The following C5AR2 variants were observed in gnomAD, a reference collection of about 807,000 sequenced individuals.
C5AR2 encodes the protein C5a anaphylatoxin chemotactic receptor 2.
For missense variants in C5AR2, 458 were observed against 467.5 expected, an observed-to-expected ratio of 0.98 and a Z score of 0.19; for synonymous variants, 224 against 216.5, an observed-to-expected ratio of 1.03 and a Z score of -0.30.
intron 1 of C5AR2, among the ~76,000 whole-genome samples, chr19:47,333,311 A>G (rs1288110563): frequency 1.3e-5 from 2 of 152,028 alleles, no homozygotes; most frequent in Admixed American, 1.3e-4. Context: ...GGCCCCCTCA[A>G]TGTTCTATCA....
intron 1 of C5AR2, among the ~76,000 whole-genome samples, chr19:47,340,055 A>G (rs2059376258): frequency 6.6e-6 from 1 of 151,254 alleles, no homozygotes; most frequent in African/African-American, 2.4e-5. Context: ...CCTGGGCTCA[A>G]ATGATTCTCC....
rs1555808652 is a variant in C5AR2 at position 47,338,282 on chromosome 19, A to AAT, written c.-15-2491_-15-2490dup. Among the ~76,000 whole-genome samples the AAT allele has an allele frequency of 1.7e-3, 258 of 149,482 alleles. 3 individuals carry two copies. Among genetic ancestry groups the AAT allele is most frequent in the African/African-American group, 6.1e-3 (248 of 40,666 alleles). ...ATGGCGAGACCCTGTCTCTAAAAAA[A>AAT]ATATATATATATAAATTTGCCAGGT... is the stretch of plus-strand genomic sequence containing the variant. On this transcript the variant is annotated intron_variant, in intron 1 of 1. Coordinates refer to ENST00000595464, the MANE Select transcript of C5AR2 (RefSeq NM_001271749.2).
Position 47,342,660 on chromosome 19 carries a change from C to G in C5AR2, c.*847C>G, listed in dbSNP as rs1477467224. The G allele has an allele frequency of 6.6e-6, 1 of 152,524 alleles. No homozygotes were observed. The highest frequency in any genetic ancestry group is 2.1e-4 in the South Asian group (1 of 4,828). 9.4% of individuals were successfully genotyped at this position (152,524 alleles called of 1,614,324 possible). ...CCTCCCAAAGTGCTGGGATTACAGG[C>G]GTGAGCCACCGCACCCGGCCAAAAG... On this transcript the variant is annotated 3_prime_UTR_variant, in exon 2 of 2. Transcript: ENST00000595464.
chr19:47,339,191 T>C (rs183858996), intron 1 of C5AR2, among the ~76,000 whole-genome samples: 5 of 152,200 alleles, frequency 3.3e-5, no homozygotes, highest in African/African-American at 1.2e-4. Context: ...ATTATGTCGC[T>C]TCCTTGCTCA....
chr19:47,345,533 G>GT lies in C5AR2; in HGVS notation c.*3733dup, dbSNP rs945609427. On this transcript the variant is annotated 3_prime_UTR_variant, in exon 2 of 2. Coordinates refer to ENST00000595464, the MANE Select transcript of C5AR2 (RefSeq NM_001271749.2). Reference sequence around the variant, plus strand: ...GCGTGTGCCACCAAACCCAGCTAATGTTTTTTTTTTTTTATTTTTAGTAGA... The same window carrying GT: ...GCGTGTGCCACCAAACCCAGCTAATGTTTTTTTTTTTTTTATTTTTAGTAGA... 1,531 of 140,190 alleles carry GT rather than the reference G, an allele frequency of 0.011. 15 individuals are homozygous for GT. The highest frequency in any genetic ancestry group is 0.029 in the African/African-American group (1,100 of 38,444). 8.7% of individuals were successfully genotyped at this position (140,190 alleles called of 1,614,324 possible).
chr19:47,339,251 G>A (rs1286467391), intron 1 of C5AR2, among the ~76,000 whole-genome samples: 1 of 152,152 alleles, frequency 6.6e-6, no homozygotes, highest in Non-Finnish European at 1.5e-5. Flanking sequence ...TGATGTCCTT[G>A]CGTTGCCCAC....
At chr19:47,339,776 C>T (rs1285559231) in intron 1 of C5AR2, among the ~76,000 whole-genome samples, 1 of 152,118 alleles carries the variant, frequency 6.6e-6, no homozygotes, top group Non-Finnish European at 1.5e-5. Flanking sequence ...CCCCAGATCT[C>T]GATGCATCTC....
chr19:47,336,479 TCCTTCCTTCCTTTC>T (rs1351129240), intron 1 of C5AR2, among the ~76,000 whole-genome samples: 16 of 45,054 alleles, frequency 3.6e-4, no homozygotes, highest in African/African-American at 1.2e-3. Flanking sequence ...CTTCCTTCCT[TCCTTCCTTCCTTTC>T]TTTCTTTCTT....
rs1969123710 is a variant in C5AR2, at chr19:47,346,625, A to G, written c.*4812A>G. 1 of 152,064 alleles carries G rather than the reference A, an allele frequency of 6.6e-6. No individual in the cohort carries two copies. The highest frequency in any genetic ancestry group is 1.5e-5 in the Non-Finnish European group (1 of 68,038). The allele number at this position is 152,064 out of a possible 1,614,324, so 9.4% of individuals were successfully genotyped here. On this transcript the variant is annotated 3_prime_UTR_variant, in exon 2 of 2. Coordinates refer to ENST00000595464, the MANE Select transcript of C5AR2 (RefSeq NM_001271749.2). The stretch of plus-strand genomic sequence containing the variant: ...GAGGTTGAGGCAGGAGAATGGCGTG[A>G]ACCCAGGAGGCGGAGCTTGCAGTGA...
Position 47,341,528 on chromosome 19 carries a change from T to G in C5AR2, c.729T>G (p.Phe243Leu). ...PLGTAIVVGF[F>L]VCWAPYHLLG... is the part of the protein sequence containing the mutation. Reference sequence around the variant, plus strand: ...GCACAGCCATTGTGGTGGGGTTTTTTGTCTGCTGGGCACCCTACCACCTGC... The same window carrying G: ...GCACAGCCATTGTGGTGGGGTTTTTGGTCTGCTGGGCACCCTACCACCTGC... Residue 243 changes from phenylalanine (F) to leucine (L), a missense_variant, in exon 2 of 2, where the codon TTT becomes TTG. Physicochemically the swap from Phe to Leu is conservative, Grantham distance 22. Coordinates refer to ENST00000595464, the MANE Select transcript of C5AR2 (RefSeq NM_001271749.2). The surrounding 1 kb of genome is among the most constrained non-coding windows in gnomAD (Gnocchi z 4.6). The G allele has an allele frequency of 6.2e-7, 1 of 1,612,366 alleles. No individual in the cohort carries two copies. The highest frequency in any genetic ancestry group is 8.5e-7 in the Non-Finnish European group (1 of 1,179,582).
At position 47,340,941 on chromosome 19, in the gene C5AR2, G is replaced by T. The variant is rs780389139; in HGVS notation, c.142G>T (p.Val48Leu). The T allele has an allele frequency of 2.5e-6, 4 of 1,612,192 alleles. No homozygotes were observed. In the East Asian group the frequency reaches 8.9e-5, roughly 36 times the overall value. ...CCCACTGTATGCCGCCATCTTCCTG[G>T]TGGGGGTGCCGGGCAATGCCATGGT... The part of the protein sequence containing the change: ...PLPLYAAIFL[V>L]GVPGNAMVAW... The change falls in exon 2 of 2, where the codon GTG becomes TTG. Residue 48 changes from valine to leucine, a missense_variant. Physicochemically the swap from Val to Leu is conservative, Grantham distance 32. Coordinates refer to ENST00000595464, the MANE Select transcript of C5AR2 (RefSeq NM_001271749.2).
chr19:47,334,681 C>T (rs1056762527), intron 1 of C5AR2, among the ~76,000 whole-genome samples: 3 of 150,300 alleles, frequency 2.0e-5, no homozygotes, highest in African/African-American at 7.4e-5. Flanking sequence ...TATTGTAAAT[C>T]AAATTGGATT....
rs1252479470 is a variant in C5AR2, at chr19:47,343,818, T to C, written c.*2005T>C. 6.6e-6 allele frequency: 1 copy of C among 151,376 alleles called. No homozygotes were observed. The highest frequency in any genetic ancestry group is 1.9e-4 in the East Asian group (1 of 5,182). The allele number at this position is 151,376 out of a possible 1,614,324, so 9.4% of individuals were successfully genotyped here. Reference sequence around the variant, plus strand: ...ACACCGCTGCACTCCAGCCTGGATGTCAGAATGAGACTCCATCTCAAAAAA... The same window carrying C: ...ACACCGCTGCACTCCAGCCTGGATGCCAGAATGAGACTCCATCTCAAAAAA... On this transcript the variant is annotated 3_prime_UTR_variant, in exon 2 of 2. Coordinates refer to ENST00000595464, the MANE Select transcript of C5AR2 (RefSeq NM_001271749.2).
At position 47,343,219 on chromosome 19, in the gene C5AR2, C is replaced by G. The variant is rs938714359; in HGVS notation, c.*1406C>G. 7.9e-5 allele frequency: 12 copies of G among 152,078 alleles called. No individual in the cohort carries two copies. Among genetic ancestry groups the G allele is most frequent in the African/African-American group, 2.7e-4 (11 of 41,398 alleles). The allele number at this position is 152,078 out of a possible 1,614,324, so 9.4% of individuals were successfully genotyped here. Reference sequence around the variant, plus strand: ...AGGTGCCAAGAAATGCAGGCAGCTTCCAGAAGCTGAAACAGACAAGGAAAC... The same window carrying G: ...AGGTGCCAAGAAATGCAGGCAGCTTGCAGAAGCTGAAACAGACAAGGAAAC... On this transcript the variant is annotated 3_prime_UTR_variant, in exon 2 of 2. Coordinates refer to ENST00000595464, the MANE Select transcript of C5AR2 (RefSeq NM_001271749.2).
chr19:47,339,741 G>A (rs2122168813), intron 1 of C5AR2, among the ~76,000 whole-genome samples: 2 of 152,088 alleles, frequency 1.3e-5, no homozygotes, highest in Admixed American at 1.3e-4. Flanking sequence ...TGCACTGGCT[G>A]TTCTCGATGC....
At chr19:47,333,530 G>C (rs1345260322) in intron 1 of C5AR2, among the ~76,000 whole-genome samples, 1 of 151,784 alleles carries the variant, frequency 6.6e-6, no homozygotes, top group African/African-American at 2.4e-5. Context: ...TTGCTGGGTC[G>C]TGAGGGAGGA....
Position 47,340,886 on chromosome 19 carries a change from G to A in C5AR2, c.87G>A (p.Leu29=), listed in dbSNP as rs769270034. Residue 29 remains leucine (L), a synonymous_variant, in exon 2 of 2, where the codon CTG becomes CTA. Coordinates refer to ENST00000595464, the MANE Select transcript of C5AR2 (RefSeq NM_001271749.2). ...TGGACTGCCTGGATGGCGCCTGCCT[G>A]GCCATCGACCCGCTGCGCGTGGCCC... is the stretch of plus-strand genomic sequence containing the variant. ...RPVDCLDGAC[L]AIDPLRVAPL... The A allele has an allele frequency of 6.8e-6, 11 of 1,613,334 alleles. No homozygotes were observed. The highest frequency in any genetic ancestry group is 1.6e-4 in the Middle Eastern group (1 of 6,084).
rs1257973538 is a variant in C5AR2 at position 47,341,977 on chromosome 19, G to T, written c.*164G>T. The T allele has an allele frequency of 2.9e-6, 2 of 691,668 alleles. No individual in the cohort carries two copies. Among genetic ancestry groups the T allele is most frequent in the Non-Finnish European group, 4.9e-6 (2 of 407,266 alleles). 42.8% of individuals were successfully genotyped at this position (691,668 alleles called of 1,614,324 possible). ...ATGTGCAAGGCCTTTTTAGGCACTA[G>T]AGATATAGCAGTGACCAAAACAGAC... On this transcript the variant is annotated 3_prime_UTR_variant, in exon 2 of 2. Coordinates refer to ENST00000595464, the MANE Select transcript of C5AR2 (RefSeq NM_001271749.2). This position sits in a 1 kb window ranked among gnomAD's most constrained non-coding sequence, Gnocchi z 4.6.
rs149572881 is a variant in C5AR2, at chr19:47,341,497, C to T, written c.698C>T (p.Pro233Leu). The change falls in exon 2 of 2, where the codon CCG becomes CTG. Residue 233 changes from proline to leucine, a missense_variant. Coordinates refer to ENST00000595464, the MANE Select transcript of C5AR2 (RefSeq NM_001271749.2). The surrounding 1 kb of genome is among the most constrained non-coding windows in gnomAD (Gnocchi z 4.6). ...LLCWAARRCR[P>L]LGTAIVVGFF... ...TGCTGGGCAGCCCGACGCTGCCGGC[C>T]GCTGGGCACAGCCATTGTGGTGGGG... 1.6e-4 allele frequency: 255 copies of T among 1,611,888 alleles called. No individual in the cohort carries two copies. In the East Asian group the frequency reaches 2.7e-3, roughly 17 times the overall value.
Sources: allele counts gnomAD v4.1 joint callset (sites outside exome capture counted in the v4.1 genomes callset), GRCh38; gene constraint gnomAD v4.1.1; non-coding constraint Gnocchi (gnomAD v3.1); transcripts MANE v1.5; gene names NCBI Gene and HGNC (gene_info 2026-07-23, HGNC 2026-07-21).